Variants in NF1 observed in about 807,000 individuals in gnomAD.
NF1 encodes neurofibromin.
A neutral mutation model predicts 325.7 loss-of-function variants in NF1; 122 were observed. That is an observed-to-expected ratio of 0.37 (90% CI 0.32 to 0.44). The LOEUF (loss-of-function observed/expected upper bound fraction) is 0.44, where lower values mean the gene tolerates loss of function less well. Among genes scored for constraint, NF1 ranks in the 20% least tolerant of loss-of-function variants. The pLI, the probability that NF1 is intolerant of heterozygous loss-of-function variation, is 1.00. For synonymous variants in NF1, 1,091 were observed against 1,186.0 expected, an observed-to-expected ratio of 0.92 and a Z score of 1.65; for missense variants, 2,140 against 3,415.4, an observed-to-expected ratio of 0.63 and a Z score of 9.31.
At position 31,117,672 on chromosome 17, in the gene NF1, C is replaced by CAAAAAAAAA. The variant is rs780828438; in HGVS notation, c.60+22326_60+22334dup. Reference sequence around the variant, plus strand: ...TGGGTGACAGAGCAAAACTCCATCTCAAAAAAAAAAAAAAAAAAAAAAAAA... The same window carrying CAAAAAAAAA: ...TGGGTGACAGAGCAAAACTCCATCTCAAAAAAAAAAAAAAAAAAAAAAAAAAAAAAAAAA... On this transcript the variant is annotated intron_variant, in intron 1 of 57. Transcript: ENST00000358273. Among the ~76,000 whole-genome samples, 185 of 19,818 alleles carry CAAAAAAAAA rather than the reference C, an allele frequency of 9.3e-3. 38 individuals carry two copies. The highest frequency in any genetic ancestry group is 0.12 in the Middle Eastern group (1 of 8). 13.0% of individuals were successfully genotyped at this position (19,818 alleles called of 152,430 possible).
chr17:31,136,565 T>A (rs141873268), intron 1 of NF1: 1 of 152,312 alleles, frequency 6.6e-6, no homozygotes, highest in Non-Finnish European at 1.5e-5. Context: ...ATGCAAATCA[T>A]CCCTTTGTCC....
chr17:31,327,418 G>T, intron 37 of NF1, 81 bp from the exon 38 acceptor site: 1 of 1,028,076 alleles, frequency 9.7e-7, no homozygotes, highest in Non-Finnish European at 1.5e-6. Flanking sequence ...TGTTTGGTTG[G>T]TTGGTTTCTG....
At position 31,095,212 on chromosome 17, in the gene NF1, T is replaced by A. The variant is rs1384366819; in HGVS notation, c.-98T>A. On this transcript the variant is annotated 5_prime_UTR_variant, in exon 1 of 58. Coordinates refer to ENST00000358273, the MANE Select transcript of NF1 (RefSeq NM_001042492.3). ...GCCTGCACTCCACAGACCCTCTCCTTGCCTCTTCCCTCACCTCAGCCTCCG... is the reference window on the plus strand; with the variant it reads ...GCCTGCACTCCACAGACCCTCTCCTAGCCTCTTCCCTCACCTCAGCCTCCG... 8.7e-7 allele frequency: 1 copy of A among 1,156,032 alleles called. No individual in the cohort carries two copies. Among genetic ancestry groups the A allele is most frequent in the Admixed American group, 2.0e-5 (1 of 50,412 alleles). 71.6% of individuals were successfully genotyped at this position (1,156,032 alleles called of 1,614,324 possible). A position where few individuals can be genotyped will look rare whatever the true frequency, so the allele number is the denominator to read the frequency against.
At chr17:31,165,530 A>G (rs2065830622) in intron 4 of NF1, among the ~76,000 whole-genome samples, 1 of 152,210 alleles carries the variant, frequency 6.6e-6, no homozygotes, top group African/African-American at 2.4e-5. Context: ...AGTTCTTTCT[A>G]AAGATTGATC....
intron 1 of NF1, chr17:31,138,602 T>C (rs1358677886): frequency 6.8e-6 from 1 of 146,592 alleles, no homozygotes; most frequent in Non-Finnish European, 1.5e-5. Flanking sequence ...TTTAGTTTTT[T>C]TTTTTTTTTG....
intron 12 of NF1, among the ~76,000 whole-genome samples, chr17:31,213,474 G>A (rs2066765563): frequency 6.6e-6 from 1 of 152,164 alleles, no homozygotes; most frequent in Non-Finnish European, 1.5e-5. Flanking sequence ...TTGAAAGACA[G>A]CCTGTTTACC....
At chr17:31,121,830 A>G (rs552661329) in intron 1 of NF1, among the ~76,000 whole-genome samples, 28 of 152,196 alleles carry the variant, frequency 1.8e-4, no homozygotes, top group East Asian at 9.6e-4. Context: ...GTTTGCCACA[A>G]TTTTATTGAG....
At chr17:31,343,924 C>A (rs1167422148) in intron 48 of NF1, among the ~76,000 whole-genome samples, 1 of 150,980 alleles carries the variant, frequency 6.6e-6, no homozygotes, top group African/African-American at 2.4e-5. Flanking sequence ...CCACTGCACT[C>A]CAGCCTGGGT....
In NF1 at chr17:31,232,823, C is replaced by T. The variant is rs876659646; in HGVS notation, c.3438C>T (p.Val1146=). 1 of 1,614,042 alleles carries T rather than the reference C, an allele frequency of 6.2e-7. No homozygotes were observed. ...TGGCATCACTGAGGCACTGTACGGT[C>T]CTTGCAATGTCAAACTTACTCAATG... ...RRLASLRHCT[V]LAMSNLLNAN... Residue 1146 remains valine, a synonymous_variant, in exon 26 of 58, where the codon GTC becomes GTT. Transcript: ENST00000358273.
chr17:31,318,600 G>A, intron 36 of NF1: 1 of 1,614,026 alleles, frequency 6.2e-7, no homozygotes, highest in Non-Finnish European at 8.5e-7. Context: ...TTATAATTAA[G>A]CAAATTAGCA....
rs73277729 is a variant in NF1 at position 31,377,423 on chromosome 17, A to G, written c.*3268A>G. 278 of 233,426 alleles carry G rather than the reference A, an allele frequency of 1.2e-3. 1 individual carries two copies. Among genetic ancestry groups the G allele is most frequent in the African/African-American group, 5.8e-3 (263 of 45,454 alleles). 14.5% of individuals were successfully genotyped at this position (233,426 alleles called of 1,614,324 possible). On this transcript the variant is annotated 3_prime_UTR_variant, in exon 58 of 58. Coordinates refer to ENST00000358273, the MANE Select transcript of NF1 (RefSeq NM_001042492.3). ...GCTGTGTATTGTAAACTTAAATTGT[A>G]TATGATAACTTACTGTCCTTTCCAT...
At chr17:31,207,511 A>G (rs2066644958) in intron 12 of NF1, among the ~76,000 whole-genome samples, 1 of 152,122 alleles carries the variant, frequency 6.6e-6, no homozygotes, top group African/African-American at 2.4e-5. Context: ...CAAATAGAGA[A>G]GTTTTTTATG....
intron 40 of NF1, among the ~76,000 whole-genome samples, chr17:31,335,599 T>A (rs1006766115): frequency 6.6e-6 from 1 of 151,858 alleles, no homozygotes; most frequent in East Asian, 1.9e-4. Context: ...ACACTGCTGC[T>A]CCTCCTCCAA....
At chr17:31,152,872 T>G (rs1193124954) in intron 1 of NF1, among the ~76,000 whole-genome samples, 11 of 152,124 alleles carry the variant, frequency 7.2e-5, no homozygotes, top group African/African-American at 2.7e-4. Flanking sequence ...AATAATAACT[T>G]TACATATTAT....
chr17:31,097,736 G>A (rs185177437), intron 1 of NF1, among the ~76,000 whole-genome samples: 3 of 151,378 alleles, frequency 2.0e-5, no homozygotes, highest in African/African-American at 2.4e-5. Context: ...TTGCTCTGTC[G>A]CCCACGCTGG....
chr17:31,130,074 GTTTTTTTTTGT>G (rs1174265329), intron 1 of NF1, among the ~76,000 whole-genome samples: 1 of 129,328 alleles, frequency 7.7e-6, no homozygotes, highest in Non-Finnish European at 1.7e-5. Context: ...TGAAGTCGCT[GTTTTTTTTTGT>G]TTTTTTTTTT....
intron 1 of NF1, among the ~76,000 whole-genome samples, chr17:31,099,574 T>C (rs77161875): frequency 6.6e-6 from 1 of 151,558 alleles, no homozygotes. Flanking sequence ...TTTTTTTTTT[T>C]TTGAGACAGA....
intron 29 of NF1, 43 bp downstream of exon 29, chr17:31,236,064 T>G (rs2067198191): frequency 5.4e-6 from 8 of 1,491,776 alleles, no homozygotes; most frequent in Non-Finnish European, 5.6e-6. Context: ...TTTGTTTTTT[T>G]TTTTTTGTTT....
At chr17:31,346,818 CTTT>C (rs59155043) in intron 48 of NF1, among the ~76,000 whole-genome samples, 1 of 108,208 alleles carries the variant, frequency 9.2e-6, no homozygotes, top group African/African-American at 3.6e-5. Context: ...AAGAATTTGG[CTTT>C]TTTTTTTTTT....
Sources: gnomAD v4.1 joint callset for allele counts (sites outside exome capture counted in the v4.1 genomes callset) on GRCh38, gnomAD v4.1.1 for gene constraint, MANE v1.5 for transcripts, NCBI Gene and HGNC (gene_info 2026-07-23, HGNC 2026-07-21) for gene names.